CNTRL: variants seen among roughly 807,000 people sequenced by gnomAD.
CNTRL encodes 110 kDa centrosomal protein.
A neutral mutation model predicts 303.7 loss-of-function variants in CNTRL; 233 were observed. The ratio of observed to expected loss-of-function variants is 0.77; its 90% CI spans 0.69 to 0.86. The LOEUF is 0.86. CNTRL is among the 40% of genes least tolerant of loss of function. CNTRL has a pLI of 0.00. For synonymous variants in CNTRL, 900 were observed against 922.2 expected (o/e 0.98, Z 0.44); for missense variants, 2,524 against 2,650.6 (o/e 0.95, Z 1.05).
Position 121,169,603 on chromosome 9 carries a change from C to T in CNTRL, c.6071-8C>T, listed in dbSNP as rs2131871823. 2 of 1,613,916 alleles carry T rather than the reference C, an allele frequency of 1.2e-6. No homozygotes were observed. The highest frequency in any genetic ancestry group is 4.5e-5 in the East Asian group (2 of 44,878). On this transcript the variant is annotated splice_region_variant and splice_polypyrimidine_tract_variant and intron_variant, in intron 38 of 43. Transcript: ENST00000373855. The stretch of plus-strand genomic sequence containing the variant: ...TTTGGCTAAACCTACTGAAAATGCT[C>T]ATTTCAGAACGGCAGCTTTCAGAAA...
At chr9:121,108,091 G>A in intron 8 of CNTRL, 96 bp downstream of exon 8, 2 of 744,452 alleles carry the variant, frequency 2.7e-6, no homozygotes, top group Non-Finnish European at 4.2e-6. Flanking sequence ...ACCATATAAT[G>A]GGGAAGATGT....
chr9:121,113,771 T>C (rs1043166437), intron 10 of CNTRL, 47 bp downstream of exon 10: 1 of 1,290,106 alleles, frequency 7.8e-7, no homozygotes, highest in African/African-American at 1.5e-5. Flanking sequence ...TATGAAAACA[T>C]TGAATATGTA....
In CNTRL at chr9:121,152,478, C is replaced by A; in HGVS notation, c.3964-7C>A. 1.2e-6 allele frequency: 2 copies of A among 1,610,014 alleles called. No individual in the cohort carries two copies. Among genetic ancestry groups the A allele is most frequent in the South Asian group, 2.2e-5 (2 of 90,840 alleles). On this transcript the variant is annotated splice_polypyrimidine_tract_variant and splice_region_variant and intron_variant, in intron 25 of 43. Transcript: ENST00000373855. ...CAGCACTGCATTTTTTTCCCCATCTCATTCAGGAGAATGAAGTTTCTAGAT... is the reference window on the plus strand; with the variant it reads ...CAGCACTGCATTTTTTTCCCCATCTAATTCAGGAGAATGAAGTTTCTAGAT...
rs368861953 is a variant in CNTRL at position 121,113,638 on chromosome 9, A to G, written c.1259A>G (p.Glu420Gly). The G allele has an allele frequency of 6.2e-7, 1 of 1,609,544 alleles. No homozygotes were observed. The highest frequency in any genetic ancestry group is 1.3e-5 in the African/African-American group (1 of 74,790). The change falls in exon 10 of 44, where the codon GAA becomes GGA. Residue 420 changes from glutamate (E) to glycine (G), a missense_variant. By Grantham distance (98) the Glu-to-Gly change is moderately conservative. Coordinates refer to ENST00000373855, the MANE Select transcript of CNTRL (RefSeq NM_007018.6). ...CAGATCAAGAAGATGGAGCCAGATG[A>G]ACAACTTAGAAATGATCACATGAAC... ...AVQIKKMEPD[E>G]QLRNDHMNLR...
chr9:121,080,639 A>T (rs2048101984), intron 2 of CNTRL, among the ~76,000 whole-genome samples, 161 bp downstream of exon 2: 3 of 152,226 alleles, frequency 2.0e-5, no homozygotes, highest in African/African-American at 7.2e-5. Flanking sequence ...AATAAAAACA[A>T]AGTGTACCTG....
At chr9:121,136,364 C>T (rs2051193196) in intron 15 of CNTRL, among the ~76,000 whole-genome samples, 1 of 151,950 alleles carries the variant, frequency 6.6e-6, no homozygotes, top group Non-Finnish European at 1.5e-5. Flanking sequence ...GGCTGGAGTA[C>T]AGTGGCATGA....
intron 39 of CNTRL, 177 bp from the exon 40 acceptor site, chr9:121,171,231 A>G (rs1390711593): frequency 1.4e-6 from 1 of 700,144 alleles, no homozygotes; most frequent in Non-Finnish European, 2.6e-6. Flanking sequence ...TGACGTGTAT[A>G]TACGCCCAGC....
intron 16 of CNTRL, 51 bp from the exon 17 acceptor site, chr9:121,140,590 G>A (rs1197775140): frequency 2.0e-6 from 3 of 1,503,534 alleles, no homozygotes; most frequent in Admixed American, 1.9e-5. Context: ...CGTTAGTAGT[G>A]AAAATATGCT....
Position 121,160,123 on chromosome 9 carries a change from T to C in CNTRL, c.4930-20T>C, listed in dbSNP as rs955013721. 1 of 958,824 alleles carries C rather than the reference T, an allele frequency of 1.0e-6. No individual in the cohort carries two copies. The highest frequency in any genetic ancestry group is 1.4e-6 in the Non-Finnish European group (1 of 721,932). 59.4% of individuals were successfully genotyped at this position (958,824 alleles called of 1,614,324 possible). A position where few individuals can be genotyped will look rare whatever the true frequency, so the allele number is the denominator to read the frequency against. ...ATTTACAGTCACAGGAGGGAATAACTTTTTTTTTTTCAAACACAGGAAGTA... is the reference window on the plus strand; with the variant it reads ...ATTTACAGTCACAGGAGGGAATAACCTTTTTTTTTTCAAACACAGGAAGTA... On this transcript the variant is annotated intron_variant, in intron 31 of 43. Transcript: ENST00000373855.
chr9:121,101,918 C>T (rs2049191113), intron 7 of CNTRL, among the ~76,000 whole-genome samples: 1 of 152,122 alleles, frequency 6.6e-6, no homozygotes, highest in African/African-American at 2.4e-5. Flanking sequence ...AAGAGCCTGC[C>T]AACCCAAAAA....
At chr9:121,084,790 C>T (rs1377312890) in intron 2 of CNTRL, among the ~76,000 whole-genome samples, 1 of 152,046 alleles carries the variant, frequency 6.6e-6, no homozygotes, top group African/African-American at 2.4e-5. Flanking sequence ...GTGATCTGCC[C>T]GCCTCAGCCT....
intron 14 of CNTRL, among the ~76,000 whole-genome samples, chr9:121,129,993 C>T (rs545860027): frequency 5.9e-5 from 9 of 152,246 alleles, no homozygotes; most frequent in East Asian, 5.8e-4. Flanking sequence ...CCGACTTGAT[C>T]GTGGTGGATA....
chr9:121,092,194 CAA>C (rs2048608488), intron 4 of CNTRL, among the ~76,000 whole-genome samples: 1 of 145,648 alleles, frequency 6.9e-6, no homozygotes, highest in South Asian at 2.1e-4. Context: ...TTATAGCAAA[CAA>C]GATCTTCAGA....
At chr9:121,123,610 A>G (rs1029180811) in intron 12 of CNTRL, among the ~76,000 whole-genome samples, 10 of 152,070 alleles carry the variant, frequency 6.6e-5, no homozygotes, top group Middle Eastern at 3.4e-3. Flanking sequence ...AAATAAATAA[A>G]TAAATAAATA....
At chr9:121,148,535 A>G in intron 23 of CNTRL, 137 bp from the exon 24 acceptor site, 1 of 737,696 alleles carries the variant, frequency 1.4e-6, no homozygotes, top group African/African-American at 1.8e-5. Flanking sequence ...CACTTCTGTG[A>G]AAAATAAGGA....
intron 25 of CNTRL, among the ~76,000 whole-genome samples, chr9:121,151,444 G>A (rs540590143): frequency 7.3e-6 from 1 of 137,708 alleles, no homozygotes; most frequent in Admixed American, 7.9e-5. Context: ...AGGCTGGAGT[G>A]CGGTGGCGTG....
chr9:121,118,653 A>C, intron 12 of CNTRL, 113 bp downstream of exon 12: 1 of 828,986 alleles, frequency 1.2e-6, no homozygotes, highest in Non-Finnish European at 1.8e-6. Context: ...TGATGTACAA[A>C]TTTAAGTGAT....
chr9:121,161,779 T>G, intron 32 of CNTRL, 77 bp from the exon 33 acceptor site: 5 of 1,094,350 alleles, frequency 4.6e-6, no homozygotes, highest in Non-Finnish European at 6.8e-6. Flanking sequence ...GTCAATAGCA[T>G]TGTTTTCTGT....
At position 121,166,121 on chromosome 9, in the gene CNTRL, G is replaced by C. The variant is rs947116572; in HGVS notation, c.5596G>C (p.Val1866Leu). Residue 1866 changes from valine to leucine, a missense_variant, in exon 36 of 44, where the codon GTA (valine) becomes CTA (leucine). By Grantham distance (32) the Val-to-Leu change is conservative. Transcript: ENST00000373855. The stretch of plus-strand genomic sequence containing the variant: ...CATTTCTTTAGAAAAACGAGAAGCA[G>C]TAAACTCACTGCAGGAGGAACTAGC... ...QQQLQEKREA[V>L]NSLQEELANV... 1 of 1,611,546 alleles carries C rather than the reference G, an allele frequency of 6.2e-7. No homozygotes were observed. Among genetic ancestry groups the C allele is most frequent in the African/African-American group, 1.3e-5 (1 of 74,784 alleles).
Sources: allele counts gnomAD v4.1 joint callset (sites outside exome capture counted in the v4.1 genomes callset), GRCh38; gene constraint gnomAD v4.1.1; transcripts MANE v1.5; gene names NCBI Gene and HGNC (gene_info 2026-07-23, HGNC 2026-07-21).